Variants in CHN1 observed in about 807,000 individuals in gnomAD.
CHN1 encodes the protein N-chimaerin.
In CHN1, 37 loss-of-function variants were observed where a neutral mutation model predicts 59.5. The ratio of observed to expected loss-of-function variants is 0.62; its 90% confidence interval spans 0.48 to 0.82. The LOEUF is 0.82. Among genes scored for constraint, CHN1 ranks in the 40% least tolerant of loss-of-function variants. The pLI is 0.00. For missense variants in CHN1, 469 were observed against 571.0 expected, an observed-to-expected ratio of 0.82 and a Z score of 1.82; for synonymous variants, 206 against 200.4, an observed-to-expected ratio of 1.03 and a Z score of -0.24.
intron 6 of CHN1, among the ~76,000 whole-genome samples, chr2:174,870,587 C>A (rs1687377146): frequency 6.6e-6 from 1 of 152,180 alleles, no homozygotes; most frequent in Non-Finnish European, 1.5e-5. Context: ...AAAGCAGATT[C>A]TTTTAGAACT....
At chr2:174,987,381 C>G (rs1199153045) in intron 1 of CHN1, among the ~76,000 whole-genome samples, 1 of 151,554 alleles carries the variant, frequency 6.6e-6, no homozygotes, top group Non-Finnish European at 1.5e-5. Context: ...TATATTACGG[C>G]CTCTTGGTCA....
intron 3 of CHN1, among the ~76,000 whole-genome samples, chr2:174,944,022 T>C (rs1433218131): frequency 1.3e-5 from 2 of 152,204 alleles, no homozygotes; most frequent in African/African-American, 4.8e-5. Context: ...TATATCTATA[T>C]ACATTTTATA....
At chr2:174,890,247 G>A (rs898262420) in intron 5 of CHN1, among the ~76,000 whole-genome samples, 4 of 152,028 alleles carry the variant, frequency 2.6e-5, no homozygotes, top group African/African-American at 9.7e-5. Context: ...CCATGCAAAT[G>A]GTAACCAAAG....
At chr2:174,880,881 T>C (rs1224894580) in intron 5 of CHN1, among the ~76,000 whole-genome samples, 3 of 152,056 alleles carry the variant, frequency 2.0e-5, no homozygotes, top group Non-Finnish European at 4.4e-5. Context: ...AACCTGTCTC[T>C]ACTAAAAATA....
At chr2:174,906,699 A>G (rs1375183372) in intron 5 of CHN1, among the ~76,000 whole-genome samples, 1 of 152,216 alleles carries the variant, frequency 6.6e-6, no homozygotes, top group African/African-American at 2.4e-5. Flanking sequence ...ACATAGAAAC[A>G]GTGCTTGGTT....
intron 1 of CHN1, among the ~76,000 whole-genome samples, chr2:174,995,278 C>G (rs989274560): frequency 6.6e-6 from 1 of 152,158 alleles, no homozygotes; most frequent in African/African-American, 2.4e-5. Context: ...CAACTGCAAT[C>G]TGAAAAAATT....
At chr2:174,974,732 T>C (rs1690866532) in intron 1 of CHN1, among the ~76,000 whole-genome samples, 1 of 151,444 alleles carries the variant, frequency 6.6e-6, no homozygotes, top group African/African-American at 2.4e-5. Flanking sequence ...AAGGTAAGAG[T>C]CATATACTTT....
At chr2:174,880,823 G>A (rs936918962) in intron 5 of CHN1, among the ~76,000 whole-genome samples, 2 of 152,088 alleles carry the variant, frequency 1.3e-5, no homozygotes, top group Non-Finnish European at 2.9e-5. Context: ...TGAGGCGGGC[G>A]GATCACCTGA....
chr2:174,871,814 C>CT (rs1687417760), intron 6 of CHN1, among the ~76,000 whole-genome samples: 1 of 152,128 alleles, frequency 6.6e-6, no homozygotes, highest in Non-Finnish European at 1.5e-5. Flanking sequence ...TGAGACAGGG[C>CT]TTAAATCTTC....
At chr2:174,822,955 A>C (rs1423710545) in intron 8 of CHN1, among the ~76,000 whole-genome samples, 2 of 151,868 alleles carry the variant, frequency 1.3e-5, no homozygotes, top group African/African-American at 4.9e-5. Flanking sequence ...TTGAATGGTG[A>C]TATATGCCTG....
At chr2:174,920,707 G>A (rs149742159) in intron 3 of CHN1, among the ~76,000 whole-genome samples, 2 of 152,218 alleles carry the variant, frequency 1.3e-5, no homozygotes, top group African/African-American at 4.8e-5. Flanking sequence ...CATCTATAGC[G>A]GTGATCCCCA....
chr2:174,895,430 G>C (rs941401742), intron 5 of CHN1, among the ~76,000 whole-genome samples: 2 of 152,050 alleles, frequency 1.3e-5, no homozygotes, highest in Admixed American at 6.6e-5. Flanking sequence ...AGGAGGAAGG[G>C]AAATGGGGAG....
intron 1 of CHN1, among the ~76,000 whole-genome samples, chr2:174,988,439 G>A (rs1327176350): frequency 1.3e-5 from 2 of 151,762 alleles, no homozygotes; most frequent in Non-Finnish European, 2.9e-5. Flanking sequence ...AAGATTTGAT[G>A]GCATTTTTAA....
intron 1 of CHN1, among the ~76,000 whole-genome samples, chr2:174,995,642 G>A (rs542586428): frequency 9.2e-5 from 14 of 152,262 alleles, no homozygotes; most frequent in African/African-American, 1.4e-4. Context: ...GGGGTGGAGC[G>A]CAGGTGTTAA....
In CHN1 at chr2:174,927,042, G is replaced by A. The variant is rs138404682; in HGVS notation, c.115-8477C>T. On this transcript the variant is annotated intron_variant, in intron 3 of 12. Coordinates refer to ENST00000409900, the MANE Select transcript of CHN1 (RefSeq NM_001822.7). ...CAAAGTCCTGAGATTACAGGCGTGAGCCACTGCGCCCGGCCTACCCACACC... is the reference window on the plus strand; with the variant it reads ...CAAAGTCCTGAGATTACAGGCGTGAACCACTGCGCCCGGCCTACCCACACC... Among the ~76,000 whole-genome samples the A allele has an allele frequency of 4.4e-3, 674 of 152,188 alleles. 6 individuals carry two copies. The highest frequency in any genetic ancestry group is 0.015 in the African/African-American group (635 of 41,508).
intron 11 of CHN1, among the ~76,000 whole-genome samples, chr2:174,807,962 T>TA (rs1684952626): frequency 6.6e-6 from 1 of 152,220 alleles, no homozygotes; most frequent in African/African-American, 2.4e-5. Context: ...CCAGTAATGC[T>TA]AATACTTAAA....
At chr2:174,834,088 G>T (rs1446231537) in intron 7 of CHN1, among the ~76,000 whole-genome samples, 2 of 152,160 alleles carry the variant, frequency 1.3e-5, no homozygotes, top group Non-Finnish European at 2.9e-5. Flanking sequence ...TTACAGGCGT[G>T]AGCCACCATG....
intron 1 of CHN1, among the ~76,000 whole-genome samples, chr2:174,964,173 G>C (rs771771477): frequency 7.9e-5 from 12 of 152,168 alleles, no homozygotes; most frequent in South Asian, 2.1e-4. Flanking sequence ...GTGATCTCCA[G>C]ATCAGCCTTT....
rs1245678445 is a variant in CHN1, at chr2:174,836,604, A to T, written c.627+10276T>A. 2.0e-5 allele frequency among the ~76,000 whole-genome samples: 3 copies of T among 152,330 alleles called. No individual in the cohort carries two copies. In the South Asian group the frequency reaches 6.2e-4, roughly 32 times the overall value. Reference sequence around the variant, plus strand: ...GTAGGCTGTTCACTAAGATCTTGCAATAGGTGATTTCATTTGACATTTAAT... The same window carrying T: ...GTAGGCTGTTCACTAAGATCTTGCATTAGGTGATTTCATTTGACATTTAAT... On this transcript the variant is annotated intron_variant, in intron 7 of 12. Coordinates refer to ENST00000409900, the MANE Select transcript of CHN1 (RefSeq NM_001822.7).
Sources: allele counts gnomAD v4.1 joint callset (sites outside exome capture counted in the v4.1 genomes callset), GRCh38; gene constraint gnomAD v4.1.1; transcripts MANE v1.5; gene names NCBI Gene and HGNC (gene_info 2026-07-23, HGNC 2026-07-21).